GSG1L: variants seen among roughly 807,000 people sequenced by gnomAD.
The protein encoded by GSG1L is germ cell-specific gene 1-like protein.
GSG1L carries 24 observed loss-of-function variants against 42.1 expected under a neutral mutation model. That is an observed-to-expected ratio of 0.57 (90% confidence interval 0.41 to 0.80). The LOEUF (loss-of-function observed/expected upper bound fraction) is 0.80. Ranked by LOEUF, GSG1L falls within the 30% of genes least tolerant of loss-of-function variation. The pLI is 0.00. For synonymous variants in GSG1L, 215 were observed against 203.5 expected (o/e 1.06, Z -0.48); for missense variants, 445 against 472.2 (o/e 0.94, Z 0.53).
rs374028717 is a variant in GSG1L at position 27,922,313 on chromosome 16, G to A, written c.398-37675C>T. Reference sequence around the variant, plus strand: ...TTGTCTAATTCTATTGATCCAATATGTTCTATTTCTCTCAACAAAACATAA... The same window carrying A: ...TTGTCTAATTCTATTGATCCAATATATTCTATTTCTCTCAACAAAACATAA... On this transcript the variant is annotated intron_variant, in intron 2 of 6. Transcript: ENST00000447459. 4.6e-5 allele frequency among the ~76,000 whole-genome samples: 7 copies of A among 152,160 alleles called. No individual in the cohort carries two copies. In the South Asian group the frequency reaches 1.5e-3, roughly 32 times the overall value.
At chr16:27,821,695 TC>T (rs1418049271) in intron 5 of GSG1L, among the ~76,000 whole-genome samples, 1 of 151,610 alleles carries the variant, frequency 6.6e-6, no homozygotes, top group African/African-American at 2.4e-5. Flanking sequence ...GATCAGGAGA[TC>T]ACGACCATCC....
chr16:27,918,718 G>T (rs1365138938), intron 2 of GSG1L, among the ~76,000 whole-genome samples: 3 of 152,052 alleles, frequency 2.0e-5, no homozygotes, highest in African/African-American at 7.2e-5. Flanking sequence ...GATGGTTTGA[G>T]GAGGCTGCGA....
chr16:27,850,416 C>T, intron 3 of GSG1L: 1 of 435,412 alleles, frequency 2.3e-6, no homozygotes, highest in East Asian at 7.1e-5. Flanking sequence ...GAACCGGAGA[C>T]TTAAATGCGT....
At chr16:27,998,009 G>T (rs1007722437) in intron 1 of GSG1L, among the ~76,000 whole-genome samples, 3 of 151,894 alleles carry the variant, frequency 2.0e-5, no homozygotes, top group Non-Finnish European at 4.4e-5. Context: ...ACAGGCATGC[G>T]CCACCACTCC....
intron 1 of GSG1L, among the ~76,000 whole-genome samples, chr16:27,989,052 C>CAAA (rs560236316): frequency 0.014 from 1,166 of 81,974 alleles, 13 homozygotes; most frequent in Middle Eastern, 0.024. Flanking sequence ...GACTCTGTCT[C>CAAA]AAAAAAAAAA....
intron 1 of GSG1L, among the ~76,000 whole-genome samples, chr16:28,022,125 A>T (rs1268065346): frequency 6.6e-6 from 1 of 152,176 alleles, no homozygotes; most frequent in Admixed American, 6.5e-5. Context: ...TGAGTCAAGG[A>T]ATTGACCGTC....
chr16:27,845,437 T>C (rs145143256), intron 3 of GSG1L, among the ~76,000 whole-genome samples: 98 of 152,304 alleles, frequency 6.4e-4, no homozygotes, highest in African/African-American at 2.1e-3. Context: ...CGTCTTGCTA[T>C]GTTGCTCAGG....
At chr16:27,946,161 C>G (rs1370257038) in intron 2 of GSG1L, among the ~76,000 whole-genome samples, 1 of 152,220 alleles carries the variant, frequency 6.6e-6, no homozygotes, top group Admixed American at 6.5e-5. Context: ...TGTGTGACCT[C>G]AGGCAAGTGG....
chr16:27,947,305 C>T (rs1239296642), intron 2 of GSG1L, among the ~76,000 whole-genome samples: 1 of 150,796 alleles, frequency 6.6e-6, no homozygotes, highest in Non-Finnish European at 1.5e-5. Flanking sequence ...GTTTCTTAAC[C>T]TCTCTGAGCA....
intron 2 of GSG1L, among the ~76,000 whole-genome samples, chr16:27,916,104 C>T (rs1236829664): frequency 1.3e-5 from 2 of 152,134 alleles, no homozygotes; most frequent in African/African-American, 4.8e-5. Context: ...TCCCTCTAAC[C>T]CCTGAGACAC....
In GSG1L at chr16:27,787,873, C is replaced by G. The variant is rs1308770144; in HGVS notation, c.*3497G>C. 6.6e-6 allele frequency: 1 copy of G among 152,216 alleles called. No individual in the cohort carries two copies. Among genetic ancestry groups the G allele is most frequent in the Non-Finnish European group, 1.5e-5 (1 of 68,056 alleles). The allele number at this position is 152,216 out of a possible 1,614,324, so 9.4% of individuals were successfully genotyped here. On this transcript the variant is annotated 3_prime_UTR_variant, in exon 7 of 7. Transcript: ENST00000447459. ...CCCAGGCCCATATATGGCAGCCGCC[C>G]TCTCTTGCATGAGGCCAAAGCCCAA...
intron 1 of GSG1L, among the ~76,000 whole-genome samples, chr16:28,022,769 G>A (rs1321735285): frequency 1.3e-5 from 2 of 152,218 alleles, no homozygotes; most frequent in African/African-American, 4.8e-5. Flanking sequence ...CCAGGTTCAA[G>A]CGATTCTCCT....
At chr16:28,030,032 G>GGA (rs1234293370) in intron 1 of GSG1L, among the ~76,000 whole-genome samples, 1 of 152,218 alleles carries the variant, frequency 6.6e-6, no homozygotes, top group African/African-American at 2.4e-5. Flanking sequence ...GAATTTTCCA[G>GGA]GAGGGCCAGA....
chr16:27,988,259 G>A (rs2085410880), intron 1 of GSG1L, among the ~76,000 whole-genome samples: 1 of 149,272 alleles, frequency 6.7e-6, no homozygotes, highest in African/African-American at 2.6e-5. Context: ...TTTTTCACTG[G>A]AAATTAAGCT....
rs1319572603 is a variant in GSG1L at position 27,959,328 on chromosome 16, C to T, written c.397+3828G>A. Among the ~76,000 whole-genome samples, 8 of 149,638 alleles carry T rather than the reference C, an allele frequency of 5.3e-5. No homozygotes were observed. In the East Asian group the frequency reaches 1.0e-3, roughly 19 times the overall value. ...CAAAAAAAAAAAAAAATTAGCCGGG[C>T]ATGGTGGCGTGCGCCTGTAATCCCA... On this transcript the variant is annotated intron_variant, in intron 2 of 6. Transcript: ENST00000447459.
intron 1 of GSG1L, among the ~76,000 whole-genome samples, chr16:27,985,790 A>G (rs1480801356): frequency 1.3e-5 from 2 of 152,122 alleles, no homozygotes; most frequent in Non-Finnish European, 2.9e-5. Flanking sequence ...CCAAGATCGC[A>G]CCATTGCACT....
intron 2 of GSG1L, among the ~76,000 whole-genome samples, chr16:27,908,035 A>G (rs1235223865): frequency 6.6e-6 from 1 of 151,952 alleles, no homozygotes; most frequent in Non-Finnish European, 1.5e-5. Context: ...CTGTGTCTGT[A>G]CCCTTTTAAA....
intron 3 of GSG1L, among the ~76,000 whole-genome samples, chr16:27,865,597 A>T (rs2083713573): frequency 7.1e-6 from 1 of 140,508 alleles, no homozygotes; most frequent in African/African-American, 2.6e-5. Flanking sequence ...ATACATACAC[A>T]CACATATATA....
intron 4 of GSG1L, among the ~76,000 whole-genome samples, chr16:27,838,741 T>C (rs1846352030): frequency 6.6e-6 from 1 of 152,114 alleles, no homozygotes; most frequent in African/African-American, 2.4e-5. Context: ...TGGGCACAGA[T>C]GCATAATCCA....
Sources: allele counts gnomAD v4.1 joint callset (sites outside exome capture counted in the v4.1 genomes callset), GRCh38; gene constraint gnomAD v4.1.1; transcripts MANE v1.5; gene names NCBI Gene and HGNC (gene_info 2026-07-23, HGNC 2026-07-21).